RRP7A: variants seen among roughly 807,000 people sequenced by gnomAD.
RRP7A encodes the protein ribosomal RNA-processing protein 7 homolog A.
A neutral mutation model predicts 38.4 loss-of-function variants in RRP7A; 27 were observed. The observed-to-expected ratio is 0.70, with a 90% CI of 0.52 to 0.97. RRP7A has a LOEUF of 0.97. RRP7A is among the 50% of genes least tolerant of loss of function. The pLI is 0.00. For synonymous variants in RRP7A, 124 were observed against 150.3 expected (o/e 0.83, Z 1.28); for missense variants, 327 against 375.4 (o/e 0.87, Z 1.07).
In RRP7A at chr22:42,511,832, A is replaced by G. The variant is rs1355314965; in HGVS notation, c.*1078T>C. On this transcript the variant is annotated 3_prime_UTR_variant, in exon 7 of 7. Coordinates refer to ENST00000323013, the MANE Select transcript of RRP7A (RefSeq NM_015703.5). ...TCTCACGAGGACTACTTCGGATACA[A>G]TCACAGCAACCCTGGCCTCGGCCCT... 3 of 438,848 alleles carry G rather than the reference A, an allele frequency of 6.8e-6. No individual in the cohort carries two copies. Among genetic ancestry groups the G allele is most frequent in the Admixed American group, 7.7e-5 (2 of 26,062 alleles). The allele number at this position is 438,848 out of a possible 1,614,324, so 27.2% of individuals were successfully genotyped here.
chr22:42,510,027 C>CA lies in RRP7A; in HGVS notation c.*2882dup, dbSNP rs1932405582. The CA allele has an allele frequency of 6.9e-6, 1 of 145,778 alleles. No individual in the cohort carries two copies. Among genetic ancestry groups the CA allele is most frequent in the Admixed American group, 7.1e-5 (1 of 14,176 alleles). 9.0% of individuals were successfully genotyped at this position (145,778 alleles called of 1,614,324 possible). ...TCGCCCAGGCTGGAGTGTAGTGGTG[C>CA]AATCTCAGCTCACTGCAAGGTCCGC... is the stretch of plus-strand genomic sequence containing the variant. On this transcript the variant is annotated 3_prime_UTR_variant, in exon 7 of 7. Transcript: ENST00000323013.
In RRP7A at chr22:42,514,212, C is replaced by T. The variant is rs5758777; in HGVS notation, c.651G>A (p.Arg217=). The T allele has an allele frequency of 2.2e-5, 35 of 1,611,040 alleles. No individual in the cohort carries two copies. The East Asian group carries it at 3.8e-4, about 17-fold the overall frequency. ...TRRGRRPVLP[R]TEAASLRVLE... ...GCACCCGCAAGCTGGCTGCCTCAGT[C>T]CGGGGGAGCACAGGCCGCCGGCCCC... is the stretch of plus-strand genomic sequence containing the variant. The change falls in exon 6 of 7, where the codon CGG becomes CGA. Residue 217 remains arginine (R), a synonymous_variant. Coordinates refer to ENST00000323013, the MANE Select transcript of RRP7A (RefSeq NM_015703.5).
rs116195060 is a variant in RRP7A at position 42,512,757 on chromosome 22, C to T, written c.*153G>A. 1,235 of 786,868 alleles carry T rather than the reference C, an allele frequency of 1.6e-3. 18 individuals are homozygous for T. In the African/African-American group the frequency reaches 0.018, roughly 12 times the overall value. 48.7% of individuals were successfully genotyped at this position (786,868 alleles called of 1,614,324 possible). A position where few individuals can be genotyped will look rare whatever the true frequency, so the allele number is the denominator to read the frequency against. On this transcript the variant is annotated 3_prime_UTR_variant, in exon 7 of 7. Transcript: ENST00000323013. ...CGAGGGGTGGCCTGGTCCTTCCCTC[C>T]TGGCCTGTGTGGACTCTGATGGGGC...
In RRP7A at chr22:42,518,000, C is replaced by G. The variant is rs1374780122; in HGVS notation, c.216+5G>C. Reference sequence around the variant, plus strand: ...AGGTCTCCTCCCAGACAGACACTAGCTCACCTCTGTGCAGTATGGGGGCAC... The same window carrying G: ...AGGTCTCCTCCCAGACAGACACTAGGTCACCTCTGTGCAGTATGGGGGCAC... On this transcript the variant is annotated splice_donor_5th_base_variant and intron_variant, in intron 2 of 6. Coordinates refer to ENST00000323013, the MANE Select transcript of RRP7A (RefSeq NM_015703.5). 6.2e-7 allele frequency: 1 copy of G among 1,611,770 alleles called. No homozygotes were observed. The highest frequency in any genetic ancestry group is 1.7e-5 in the Admixed American group (1 of 59,536).
rs193106994 is a variant in RRP7A, at chr22:42,510,429, C to T, written c.*2481G>A. 90 of 272,628 alleles carry T rather than the reference C, an allele frequency of 3.3e-4. No homozygotes were observed. Among genetic ancestry groups the T allele is most frequent in the Non-Finnish European group, 5.3e-4 (74 of 140,144 alleles). The allele number at this position is 272,628 out of a possible 1,614,324, so 16.9% of individuals were successfully genotyped here. A position where few individuals can be genotyped will look rare whatever the true frequency, so the allele number is the denominator to read the frequency against. On this transcript the variant is annotated 3_prime_UTR_variant, in exon 7 of 7. Transcript: ENST00000323013. ...AGGCTGTGCCTTCAGCACTTGCTTG[C>T]GCCTGGCTTGTGCCAGCTGAGCGTG...
intron 2 of RRP7A, among the ~76,000 whole-genome samples, chr22:42,517,276 ATAAATAAATAAAT>A (rs1162921062): frequency 1.5e-5 from 2 of 135,936 alleles, no homozygotes; most frequent in East Asian, 4.9e-4. Context: ...CTGTCTCAAA[ATAAATAAATAAAT>A]TAAATAAATA....
In RRP7A at chr22:42,511,012, CAG is replaced by C. The variant is rs1231743956; in HGVS notation, c.*1896_*1897del. ...AGGCACAATTAGGTGACCCAACTGC[CAG>C]AGACAGTCCCACATTTTTTGAGAGA... On this transcript the variant is annotated 3_prime_UTR_variant, in exon 7 of 7. Transcript: ENST00000323013. 1.2e-5 allele frequency: 2 copies of C among 167,084 alleles called. No homozygotes were observed. The highest frequency in any genetic ancestry group is 1.8e-4 in the East Asian group (1 of 5,630). 10.4% of individuals were successfully genotyped at this position (167,084 alleles called of 1,614,324 possible).
chr22:42,509,999 C>T lies in RRP7A; in HGVS notation c.*2911G>A, dbSNP rs1211808569. ...TTTTTTTTTGAGATGGAGTCTGGCTCTGTCGCCCAGGCTGGAGTGTAGTGG... is the reference window on the plus strand; with the variant it reads ...TTTTTTTTTGAGATGGAGTCTGGCTTTGTCGCCCAGGCTGGAGTGTAGTGG... On this transcript the variant is annotated 3_prime_UTR_variant, in exon 7 of 7. Coordinates refer to ENST00000323013, the MANE Select transcript of RRP7A (RefSeq NM_015703.5). The T allele has an allele frequency of 7.0e-6, 1 of 143,398 alleles. No homozygotes were observed. The highest frequency in any genetic ancestry group is 2.2e-4 in the South Asian group (1 of 4,610). The allele number at this position is 143,398 out of a possible 1,614,324, so 8.9% of individuals were successfully genotyped here.
At position 42,512,993 on chromosome 22, in the gene RRP7A, G is replaced by C. The variant is rs562288172; in HGVS notation, c.760C>G (p.Leu254Val). The C allele has an allele frequency of 1.3e-4, 208 of 1,612,262 alleles. 2 individuals are homozygous for C. In the South Asian group the frequency reaches 2.1e-3, roughly 16 times the overall value. The change falls in exon 7 of 7, where the codon CTA becomes GTA. Residue 254 changes from leucine to valine, a missense_variant and splice_region_variant. Leu to Val is a conservative substitution (Grantham distance 32). Coordinates refer to ENST00000323013, the MANE Select transcript of RRP7A (RefSeq NM_015703.5). ...TCGAACTTCTTGCGCAGCTGCGCTA[G>C]ATCTGGGGGTGAGAGGAGGCGCGGG... ...WQHRESKMEH[L>V]AQLRKKFEED...
intron 2 of RRP7A, among the ~76,000 whole-genome samples, chr22:42,517,016 G>C (rs1046830937): frequency 5.5e-4 from 84 of 152,184 alleles, no homozygotes; most frequent in African/African-American, 1.9e-3. Flanking sequence ...GGTGGCTCAC[G>C]CATGTAATCC....
At position 42,512,844 on chromosome 22, in the gene RRP7A, G is replaced by C; in HGVS notation, c.*66C>G. 1 of 1,516,784 alleles carries C rather than the reference G, an allele frequency of 6.6e-7. No homozygotes were observed. Among genetic ancestry groups the C allele is most frequent in the African/African-American group, 1.4e-5 (1 of 73,140 alleles). The allele number at this position is 1,516,784 out of a possible 1,614,324, so 94.0% of individuals were successfully genotyped here. On this transcript the variant is annotated 3_prime_UTR_variant, in exon 7 of 7. Transcript: ENST00000323013. ...GCCAGAGCTCGGCCTCTCAGAGACCGCTGCAGGCCCTGCCTCGCCTCCTCC... is the reference window on the plus strand; with the variant it reads ...GCCAGAGCTCGGCCTCTCAGAGACCCCTGCAGGCCCTGCCTCGCCTCCTCC...
chr22:42,509,693 A>G lies in RRP7A; in HGVS notation c.*3217T>C, dbSNP rs1465266331. Among the ~76,000 whole-genome samples, 1 of 151,994 alleles carries G rather than the reference A, an allele frequency of 6.6e-6. No individual in the cohort carries two copies. The highest frequency in any genetic ancestry group is 1.5e-5 in the Non-Finnish European group (1 of 67,996). Reference sequence around the variant, plus strand: ...ACTGACATGGGCTCCAGCATGGATGAGCCTTGAAAACATCGCACTAAGTGG... The same window carrying G: ...ACTGACATGGGCTCCAGCATGGATGGGCCTTGAAAACATCGCACTAAGTGG... On this transcript the variant is annotated 3_prime_UTR_variant, in exon 7 of 7. Transcript: ENST00000323013.
chr22:42,511,762 G>T lies in RRP7A; in HGVS notation c.*1148C>A. On this transcript the variant is annotated 3_prime_UTR_variant, in exon 7 of 7. Transcript: ENST00000323013. ...GGGCCTTCCTGTCTGGCTTCTTGAA[G>T]GCAGACACAAGTCTGCAGGCTGCTC... 4.9e-6 allele frequency: 1 copy of T among 204,942 alleles called. No individual in the cohort carries two copies. Among genetic ancestry groups the T allele is most frequent in the Admixed American group, 5.7e-5 (1 of 17,476 alleles). 12.7% of individuals were successfully genotyped at this position (204,942 alleles called of 1,614,324 possible).
At chr22:42,518,196 G>A (rs1338284407) in intron 1 of RRP7A, 49 bp from the exon 2 acceptor site, 5 of 1,505,374 alleles carry the variant, frequency 3.3e-6, no homozygotes, top group Admixed American at 3.4e-5. Flanking sequence ...CCTGAGCTGA[G>A]GCCAGCGAGA....
At chr22:42,517,841 C>T (rs1250928185) in intron 2 of RRP7A, among the ~76,000 whole-genome samples, 164 bp downstream of exon 2, 1 of 152,188 alleles carries the variant, frequency 6.6e-6, no homozygotes, top group Non-Finnish European at 1.5e-5. Context: ...TTAAAGACAT[C>T]TTTAAAAAGC....
chr22:42,518,749 G>T (rs1401965848), intron 1 of RRP7A: 3 of 470,902 alleles, frequency 6.4e-6, no homozygotes, highest in Non-Finnish European at 1.3e-5. Flanking sequence ...GAGATTCTTT[G>T]GTTAATCGCT....
intron 1 of RRP7A, among the ~76,000 whole-genome samples, chr22:42,519,449 G>A (rs1192362175): frequency 6.6e-6 from 1 of 152,164 alleles, no homozygotes; most frequent in Non-Finnish European, 1.5e-5. Context: ...GGTTTGTCCT[G>A]GGTGAGAGTG....
chr22:42,517,893 T>C (rs1256195756), intron 2 of RRP7A, 112 bp downstream of exon 2: 3 of 1,258,830 alleles, frequency 2.4e-6, no homozygotes, highest in Non-Finnish European at 2.2e-6. Flanking sequence ...CCTGACACTC[T>C]CCTCTGGGGC....
rs752562871 is a variant in RRP7A at position 42,513,042 on chromosome 22, G to A, written c.758-47C>T. On this transcript the variant is annotated intron_variant, in intron 6 of 6. Coordinates refer to ENST00000323013, the MANE Select transcript of RRP7A (RefSeq NM_015703.5). Reference sequence around the variant, plus strand: ...GGGCAGGGTCAGACAGCGCGCCCCGGGGAAGCTGGCTTGCTCATGCCCCAC... The same window carrying A: ...GGGCAGGGTCAGACAGCGCGCCCCGAGGAAGCTGGCTTGCTCATGCCCCAC... 7 of 1,538,856 alleles carry A rather than the reference G, an allele frequency of 4.5e-6. 1 individual carries two copies. The highest frequency in any genetic ancestry group is 2.0e-4 in the Middle Eastern group (1 of 5,096).
Sources: allele counts gnomAD v4.1 joint callset (sites outside exome capture counted in the v4.1 genomes callset), GRCh38; gene constraint gnomAD v4.1.1; transcripts MANE v1.5; gene names NCBI Gene and HGNC (gene_info 2026-07-23, HGNC 2026-07-21).